FGF13: variants seen among roughly 807,000 people sequenced by gnomAD.
FGF13 encodes fibroblast growth factor homologous factor 2.
Under a neutral mutation model 19.5 loss-of-function variants are expected in FGF13, and 2 were observed. The observed-to-expected ratio is 0.10, with a 90% CI of 0.04 to 0.32. The LOEUF (loss-of-function observed/expected upper bound fraction) is 0.32. FGF13 is among the 10% of genes least tolerant of loss of function. The pLI is 1.00. For missense variants in FGF13, 113 were observed against 192.7 expected, an observed-to-expected ratio of 0.59 and a Z score of 2.45; for synonymous variants, 72 against 76.9, an observed-to-expected ratio of 0.94 and a Z score of 0.33.
At chrX:138,725,785 C>T (rs1243633739) in intron 1 of FGF13, among the ~76,000 whole-genome samples, 2 of 111,196 alleles carry the variant, frequency 1.8e-5, no homozygotes, top group African/African-American at 6.5e-5. Flanking sequence ...GTTCCTCCCC[C>T]CCACAACCCT....
intron 3 of FGF13, among the ~76,000 whole-genome samples, chrX:138,796,578 T>C (rs1467379137): frequency 1.8e-5 from 2 of 111,917 alleles, no homozygotes; most frequent in Non-Finnish European, 3.8e-5. Flanking sequence ...ATCCTTTGGG[T>C]ATATACCCAG....
rs555083289 is a variant in FGF13 at position 138,824,488 on chromosome X, T to C, written c.217+33024A>G. ...AAGAGCAAATAGGGAGAATTATTCT[T>C]TTTAAATAACCTAAAAAATTAGAAC... is the stretch of plus-strand genomic sequence containing the variant. On this transcript the variant is annotated intron_variant, in intron 3 of 6. Transcript: ENST00000436198. 5.3e-3 allele frequency among the ~76,000 whole-genome samples: 597 copies of C among 111,970 alleles called. 2 individuals carry two copies. The highest frequency in any genetic ancestry group is 7.9e-3 in the Non-Finnish European group (423 of 53,245).
intron 3 of FGF13, among the ~76,000 whole-genome samples, chrX:138,692,509 A>C (rs757603752): frequency 9.9e-5 from 11 of 110,794 alleles, no homozygotes; most frequent in Non-Finnish European, 2.1e-4. Context: ...ATAAAGCTAA[A>C]AAGTCATATT....
rs10666140 is a variant in FGF13, at chrX:138,978,266, G to GTTTTTTTTTTTTT, written c.-112-113629_-112-113617dup. The stretch of plus-strand genomic sequence containing the variant: ...TAATCTCTATGGGCTAGCTGCCCTG[G>GTTTTTTTTTTTTT]TTTTTTTTTTTTTTGAGATGGAGTC... On this transcript the variant is annotated intron_variant, in intron 1 of 2. Transcript: ENST00000421460. Among the ~76,000 whole-genome samples, 11 of 82,889 alleles carry GTTTTTTTTTTTTT rather than the reference G, an allele frequency of 1.3e-4. No individual in the cohort carries two copies. The East Asian group carries it at 4.1e-3, about 31-fold the overall frequency. The allele number at this position is 82,889 out of a possible 115,157, so 72.0% of individuals were successfully genotyped here.
At chrX:138,834,766 T>C (rs2124096014) in intron 3 of FGF13, among the ~76,000 whole-genome samples, 1 of 111,173 alleles carries the variant, frequency 9.0e-6, no homozygotes, top group African/African-American at 3.3e-5. Context: ...TAACTAGAGA[T>C]CTTTGTATCA....
intron 3 of FGF13, among the ~76,000 whole-genome samples, chrX:138,809,304 T>C (rs1373154827): frequency 2.7e-5 from 3 of 112,114 alleles, no homozygotes; most frequent in Non-Finnish European, 3.8e-5. Flanking sequence ...TGCAAATCAA[T>C]AAATGTAATC....
intron 1 of FGF13, among the ~76,000 whole-genome samples, chrX:139,103,245 T>G (rs2083528911): frequency 8.9e-6 from 1 of 112,372 alleles, no homozygotes; most frequent in Admixed American, 9.4e-5. Flanking sequence ...GGCTGGTTAG[T>G]TCATAATGTC....
At chrX:139,034,849 G>T in intron 1 of FGF13, among the ~76,000 whole-genome samples, 1 of 111,865 alleles carries the variant, frequency 8.9e-6, no homozygotes, top group East Asian at 2.8e-4. Context: ...ACTTTCCAAA[G>T]CTATTGGTAA....
chrX:138,866,604 C>A (rs1320003619), intron 1 of FGF13, among the ~76,000 whole-genome samples: 1 of 110,343 alleles, frequency 9.1e-6, no homozygotes, highest in Admixed American at 9.7e-5. Context: ...ACCAGTGTGA[C>A]CTTGGGCAAG....
At chrX:139,110,354 C>T (rs1418523939) in intron 1 of FGF13, among the ~76,000 whole-genome samples, 3 of 110,291 alleles carry the variant, frequency 2.7e-5, no homozygotes, top group Non-Finnish European at 5.7e-5. Context: ...ATAATTCCCA[C>T]GTGTACTCCA....
intron 1 of FGF13, among the ~76,000 whole-genome samples, chrX:139,153,869 C>G (rs891470506): frequency 9.0e-6 from 1 of 110,824 alleles, no homozygotes; most frequent in Non-Finnish European, 1.9e-5. Context: ...GGGAAAAGGC[C>G]TTGAGAAGAC....
At chrX:139,004,029 T>C (rs1204598076) in intron 1 of FGF13, among the ~76,000 whole-genome samples, 1 of 112,232 alleles carries the variant, frequency 8.9e-6, no homozygotes, top group Non-Finnish European at 1.9e-5. Context: ...GCACTCGCAT[T>C]CCTTGGCCCT....
rs148575990 is a variant in FGF13 at position 138,637,860 on chromosome X, C to T, written c.403-2205G>A. ...TTCACAGAGAGGGTATCATTTTAGC[C>T]GAGCTTTTCAATACAGAAAACAGGG... On this transcript the variant is annotated intron_variant, in intron 3 of 4. Transcript: ENST00000315930. 5.4e-4 allele frequency among the ~76,000 whole-genome samples: 60 copies of T among 111,667 alleles called. 1 individual carries two copies. The East Asian group carries it at 0.014, about 26-fold the overall frequency.
chrX:139,070,218 G>A lies in FGF13; in HGVS notation c.-113+133198C>T, dbSNP rs185491418. Among the ~76,000 whole-genome samples, 8 of 111,572 alleles carry A rather than the reference G, an allele frequency of 7.2e-5. No individual in the cohort carries two copies. The East Asian group carries it at 2.3e-3, about 32-fold the overall frequency. On this transcript the variant is annotated intron_variant, in intron 1 of 2. Coordinates refer to the FGF13 transcript ENST00000421460. Reference sequence around the variant, plus strand: ...CAACCTACAATGGGAGAAAAAATTTGCAATCTATCCATCTGACAAAGGGCT... The same window carrying A: ...CAACCTACAATGGGAGAAAAAATTTACAATCTATCCATCTGACAAAGGGCT...
At chrX:138,795,800 A>T (rs1454939408) in intron 3 of FGF13, among the ~76,000 whole-genome samples, 1 of 111,911 alleles carries the variant, frequency 8.9e-6, no homozygotes, top group Admixed American at 9.5e-5. Flanking sequence ...AATACCTTGC[A>T]TGATGCCTGG....
At chrX:138,886,228 A>G (rs1350993924) in intron 1 of FGF13, among the ~76,000 whole-genome samples, 1 of 111,933 alleles carries the variant, frequency 8.9e-6, no homozygotes, top group Non-Finnish European at 1.9e-5. Context: ...AAAAGACCAA[A>G]GCCCCTACCC....
chrX:138,899,254 T>A (rs759006923), intron 1 of FGF13, among the ~76,000 whole-genome samples: 1 of 111,464 alleles, frequency 9.0e-6, no homozygotes, highest in African/African-American at 3.3e-5. Flanking sequence ...GGCTATAGGC[T>A]AAGGTTGATA....
At chrX:139,073,024 C>T (rs1251132629) in intron 1 of FGF13, among the ~76,000 whole-genome samples, 1 of 110,903 alleles carries the variant, frequency 9.0e-6, no homozygotes, top group African/African-American at 3.3e-5. Context: ...TCAAATCTAC[C>T]TGTCATCGTA....
chrX:139,150,517 G>A (rs2083926210), intron 1 of FGF13, among the ~76,000 whole-genome samples: 1 of 111,686 alleles, frequency 9.0e-6, no homozygotes, highest in African/African-American at 3.3e-5. Context: ...GTTTGGAGGT[G>A]GTGGCTTGGG....
Sources: gnomAD v4.1 joint callset for allele counts (sites outside exome capture counted in the v4.1 genomes callset) on GRCh38, gnomAD v4.1.1 for gene constraint, MANE v1.5 for transcripts, NCBI Gene and HGNC (gene_info 2026-07-23, HGNC 2026-07-21) for gene names.